Variants in FILIP1 observed in about 807,000 individuals in gnomAD.
FILIP1 encodes the protein filamin-A-interacting protein 1.
FILIP1 carries 61 observed loss-of-function variants against 102.1 expected under a neutral mutation model. That is an observed-to-expected ratio of 0.60 (90% CI 0.49 to 0.74). The LOEUF is 0.74. FILIP1 is among the 30% of genes least tolerant of loss of function. The pLI is 0.00. For missense variants in FILIP1, 1,314 were observed against 1,441.2 expected (o/e 0.91, Z 1.43); for synonymous variants, 491 against 526.9 (o/e 0.93, Z 0.93).
chr6:75,380,499 GATAA>G (rs1417647062), intron 2 of FILIP1, among the ~76,000 whole-genome samples: 1 of 152,170 alleles, frequency 6.6e-6, no homozygotes, highest in Non-Finnish European at 1.5e-5. Flanking sequence ...GTGAGAGTTT[GATAA>G]ATAGGCATTC....
At chr6:75,406,713 G>C (rs1486554092) in intron 2 of FILIP1, among the ~76,000 whole-genome samples, 2 of 147,594 alleles carry the variant, frequency 1.4e-5, no homozygotes, top group East Asian at 3.9e-4. Context: ...AGGCAGGAGT[G>C]TAGTGGCGCA....
intron 2 of FILIP1, among the ~76,000 whole-genome samples, chr6:75,380,106 G>GTAGT (rs1326657478): frequency 6.6e-6 from 1 of 151,886 alleles, no homozygotes; most frequent in African/African-American, 2.4e-5. Context: ...ATATACATGG[G>GTAGT]TAGTTATCTG....
chr6:75,439,702 G>C (rs1778143504), intron 1 of FILIP1, among the ~76,000 whole-genome samples: 1 of 152,216 alleles, frequency 6.6e-6, no homozygotes, highest in African/African-American at 2.4e-5. Context: ...ATGTCCTGGA[G>C]AGCAAGTGTC....
At chr6:75,335,670 A>G (rs1774219220) in intron 4 of FILIP1, among the ~76,000 whole-genome samples, 1 of 152,194 alleles carries the variant, frequency 6.6e-6, no homozygotes, top group Non-Finnish European at 1.5e-5. Flanking sequence ...ATTTCATTTC[A>G]ATTACAGAAT....
At chr6:75,326,260 A>G (rs1174063332) in intron 4 of FILIP1, among the ~76,000 whole-genome samples, 5 of 152,138 alleles carry the variant, frequency 3.3e-5, no homozygotes, top group African/African-American at 1.2e-4. Flanking sequence ...AGAAAACCAA[A>G]TATCATATGT....
intron 1 of FILIP1, among the ~76,000 whole-genome samples, chr6:75,457,851 T>C (rs1039005958): frequency 6.6e-6 from 1 of 152,180 alleles, no homozygotes; most frequent in African/African-American, 2.4e-5. Context: ...GTCTGGCCTA[T>C]CCCTTTAATT....
chr6:75,314,976 T>C lies in FILIP1; in HGVS notation c.856A>G (p.Thr286Ala). The C allele has an allele frequency of 1.9e-6, 3 of 1,614,120 alleles. No individual in the cohort carries two copies. The highest frequency in any genetic ancestry group is 1.1e-5 in the South Asian group (1 of 91,068). ...TGTCTGTCTTCTTTGGATTTGGAAG[T>C]AATGGCTTTGAGCTTCTCTTCTTCT... is the stretch of plus-strand genomic sequence containing the variant. ...REEEEKLKAITSKSKEDRQKL... is the reference protein window; with the variant it reads ...REEEEKLKAIASKSKEDRQKL... The change falls in exon 5 of 6, where the codon ACT (threonine) becomes GCT (alanine). Residue 286 changes from threonine (T) to alanine (A), a missense_variant. Thr to Ala is a moderately conservative substitution (Grantham distance 58). Coordinates refer to ENST00000237172, the MANE Select transcript of FILIP1 (RefSeq NM_015687.5).
At chr6:75,315,257 G>T in intron 4 of FILIP1, 55 bp from the exon 5 acceptor site, 2 of 1,176,228 alleles carry the variant, frequency 1.7e-6, no homozygotes, top group South Asian at 2.0e-5. Context: ...ACAGATTTAA[G>T]CATTGATATT....
chr6:75,339,496 C>T (rs1017338328), intron 4 of FILIP1, among the ~76,000 whole-genome samples: 1 of 152,212 alleles, frequency 6.6e-6, no homozygotes, highest in African/African-American at 2.4e-5. Flanking sequence ...GCTTTTAAAT[C>T]CTTCAGTTTG....
intron 4 of FILIP1, among the ~76,000 whole-genome samples, chr6:75,328,664 T>A (rs752389399): frequency 7.2e-5 from 11 of 152,244 alleles, no homozygotes; most frequent in Middle Eastern, 3.4e-3. Context: ...AATTTTTGTA[T>A]TTTTAGTAGA....
At chr6:75,375,816 C>T (rs907928420) in intron 2 of FILIP1, among the ~76,000 whole-genome samples, 2 of 152,192 alleles carry the variant, frequency 1.3e-5, no homozygotes, top group African/African-American at 4.8e-5. Flanking sequence ...TAGCCTCTGA[C>T]ATAAGTGAAT....
At chr6:75,328,458 T>C (rs1186639949) in intron 4 of FILIP1, among the ~76,000 whole-genome samples, 1 of 151,388 alleles carries the variant, frequency 6.6e-6, no homozygotes, top group African/African-American at 2.4e-5. Flanking sequence ...TTTACTTTTG[T>C]AAATGTTTGA....
chr6:75,333,135 T>C (rs1201574698), intron 4 of FILIP1, among the ~76,000 whole-genome samples: 1 of 152,208 alleles, frequency 6.6e-6, no homozygotes. Flanking sequence ...TGTTTTCATT[T>C]ACTTACTCAG....
intron 1 of FILIP1, among the ~76,000 whole-genome samples, chr6:75,443,209 T>C (rs1432979903): frequency 2.0e-5 from 3 of 152,206 alleles, no homozygotes; most frequent in Non-Finnish European, 4.4e-5. Context: ...AGAAATTTTA[T>C]TATCCAAATT....
At chr6:75,350,689 A>T (rs1774766464) in intron 4 of FILIP1, among the ~76,000 whole-genome samples, 1 of 152,210 alleles carries the variant, frequency 6.6e-6, no homozygotes, top group South Asian at 2.1e-4. Flanking sequence ...AAAAATAAAC[A>T]GCCTGAATAA....
chr6:75,335,089 T>C (rs1267866800), intron 4 of FILIP1, among the ~76,000 whole-genome samples: 2 of 152,104 alleles, frequency 1.3e-5, no homozygotes. Flanking sequence ...CTAAACTCTA[T>C]ACAGTTCTAT....
intron 1 of FILIP1, among the ~76,000 whole-genome samples, chr6:75,484,800 C>T (rs1042635198): frequency 6.6e-6 from 1 of 152,118 alleles, no homozygotes; most frequent in Non-Finnish European, 1.5e-5. Flanking sequence ...TACTCAAGGC[C>T]CTGTGCCTGC....
At position 75,413,904 on chromosome 6, in the gene FILIP1, T is replaced by C. The variant is rs148265534; in HGVS notation, c.276+793A>G. ...TGGGTCCCTAGAAACATAGATTTAA[T>C]GGGAGGGAGGGACATGGCTCATGGC... is the stretch of plus-strand genomic sequence containing the variant. On this transcript the variant is annotated intron_variant, in intron 2 of 5. Coordinates refer to ENST00000237172, the MANE Select transcript of FILIP1 (RefSeq NM_015687.5). Among the ~76,000 whole-genome samples the C allele has an allele frequency of 5.2e-3, 773 of 149,440 alleles. 2 individuals carry two copies. The highest frequency in any genetic ancestry group is 0.034 in the Middle Eastern group (10 of 294).
At chr6:75,419,628 C>G (rs1156633710) in intron 1 of FILIP1, among the ~76,000 whole-genome samples, 2 of 152,134 alleles carry the variant, frequency 1.3e-5, no homozygotes, top group African/African-American at 4.8e-5. Flanking sequence ...ACTGTCCTGA[C>G]TCTTTCTCTT....
Sources: allele counts gnomAD v4.1 joint callset (sites outside exome capture counted in the v4.1 genomes callset), GRCh38; gene constraint gnomAD v4.1.1; transcripts MANE v1.5; gene names NCBI Gene and HGNC (gene_info 2026-07-23, HGNC 2026-07-21).